The following CFAP299 variants were observed in gnomAD, a reference collection of about 807,000 sequenced individuals.
CFAP299 encodes cilia and flagella associated protein 299, also known as cilia- and flagella-associated protein 299.
CFAP299 carries 21 observed loss-of-function variants against 27.0 expected under a neutral mutation model. That is an observed-to-expected ratio of 0.78 (90% CI 0.55 to 1.12). The LOEUF (loss-of-function observed/expected upper bound fraction) is 1.12. Among genes scored for constraint, CFAP299 ranks in the 50% most tolerant of loss-of-function variants. The pLI is 0.00. For missense variants in CFAP299, 310 were observed against 276.6 expected (o/e 1.12, Z -0.86); for synonymous variants, 104 against 98.1 (o/e 1.06, Z -0.36).
intron 2 of CFAP299, chr4:80,387,660 T>A: frequency 6.4e-7 from 1 of 1,553,680 alleles, no homozygotes. Flanking sequence ...TCTGCATGTG[T>A]TTCTTAACAT....
intron 3 of CFAP299, among the ~76,000 whole-genome samples, chr4:80,860,263 A>C (rs1489989618): frequency 1.3e-5 from 2 of 152,044 alleles, no homozygotes; most frequent in Non-Finnish European, 2.9e-5. Context: ...CAGCTCCACC[A>C]GCTCCTTTAA....
intron 2 of CFAP299, among the ~76,000 whole-genome samples, chr4:80,483,967 A>C (rs1272363403): frequency 6.6e-6 from 1 of 152,192 alleles, no homozygotes; most frequent in Admixed American, 6.5e-5. Context: ...TTATAGGTAC[A>C]AGGCATACTT....
At chr4:80,656,725 C>A (rs1237064692) in intron 3 of CFAP299, among the ~76,000 whole-genome samples, 1 of 152,128 alleles carries the variant, frequency 6.6e-6, no homozygotes, top group Non-Finnish European at 1.5e-5. Flanking sequence ...ATTTATAATC[C>A]TTTGGGTGTA....
chr4:80,606,254 A>G (rs995940082), intron 3 of CFAP299, among the ~76,000 whole-genome samples: 1 of 152,226 alleles, frequency 6.6e-6, no homozygotes, highest in African/African-American at 2.4e-5. Context: ...AGCCATAGCT[A>G]GGCTGGGCGT....
At chr4:80,763,589 G>T (rs1725664801) in intron 3 of CFAP299, among the ~76,000 whole-genome samples, 1 of 151,988 alleles carries the variant, frequency 6.6e-6, no homozygotes, top group African/African-American at 2.4e-5. Flanking sequence ...TTTCTTCACA[G>T]GACTAGAAAA....
chr4:80,784,496 C>A lies in CFAP299; in HGVS notation c.334-85497C>A, dbSNP rs192615604. 4.6e-5 allele frequency among the ~76,000 whole-genome samples: 7 copies of A among 151,488 alleles called. No homozygotes were observed. The East Asian group carries it at 1.2e-3, about 25-fold the overall frequency. ...TCTTGGCCTCTTTCTTTCTTTCTTTCTTTTCTTTCTTTTTTTTCTTTTCTT... is the reference window on the plus strand; with the variant it reads ...TCTTGGCCTCTTTCTTTCTTTCTTTATTTTCTTTCTTTTTTTTCTTTTCTT... On this transcript the variant is annotated intron_variant, in intron 3 of 5. Transcript: ENST00000358105.
At chr4:80,952,916 A>C (rs1005458616) in intron 5 of CFAP299, among the ~76,000 whole-genome samples, 3 of 152,128 alleles carry the variant, frequency 2.0e-5, no homozygotes, top group Non-Finnish European at 4.4e-5. Context: ...CTAACCTGTC[A>C]TAGCCTTGAA....
chr4:80,559,497 C>A (rs957092355), intron 2 of CFAP299, among the ~76,000 whole-genome samples: 1 of 152,114 alleles, frequency 6.6e-6, no homozygotes, highest in South Asian at 2.1e-4. Context: ...AGAAAAAAAG[C>A]GCCTGTGTAA....
chr4:80,679,335 C>G (rs1237826295), intron 3 of CFAP299, among the ~76,000 whole-genome samples: 1 of 151,734 alleles, frequency 6.6e-6, no homozygotes, highest in East Asian at 1.9e-4. Flanking sequence ...TATGTTGTTA[C>G]CAGGTTTTGT....
chr4:80,800,325 A>T (rs1324309830), intron 3 of CFAP299, among the ~76,000 whole-genome samples: 2 of 74,558 alleles, frequency 2.7e-5, no homozygotes, highest in Admixed American at 2.6e-4. Context: ...ATGATACATT[A>T]ATATTAATAT....
At chr4:80,413,643 C>G (rs900530788) in intron 2 of CFAP299, among the ~76,000 whole-genome samples, 1 of 151,924 alleles carries the variant, frequency 6.6e-6, no homozygotes. Context: ...CTGTGTCTCA[C>G]GAGGCACAAG....
At chr4:80,955,225 C>T (rs550920940) in intron 5 of CFAP299, among the ~76,000 whole-genome samples, 42 of 152,164 alleles carry the variant, frequency 2.8e-4, no homozygotes, top group African/African-American at 9.9e-4. Context: ...CATCAGGGCT[C>T]AGGCAGGGCA....
chr4:80,845,308 G>A (rs1731121568), intron 3 of CFAP299, among the ~76,000 whole-genome samples: 1 of 150,374 alleles, frequency 6.7e-6, no homozygotes, highest in Non-Finnish European at 1.5e-5. Flanking sequence ...GACCGTTCAA[G>A]TTTTTCAGTG....
At chr4:80,786,892 T>C (rs961500054) in intron 3 of CFAP299, among the ~76,000 whole-genome samples, 8 of 152,194 alleles carry the variant, frequency 5.3e-5, no homozygotes, top group Admixed American at 2.0e-4. Context: ...CAGTAATTAA[T>C]GCAAAATAAT....
chr4:80,539,332 G>A (rs1027109118), intron 2 of CFAP299, among the ~76,000 whole-genome samples: 1 of 152,198 alleles, frequency 6.6e-6, no homozygotes, highest in Non-Finnish European at 1.5e-5. Context: ...AAGGGGACAT[G>A]TCATGCCACA....
chr4:80,336,709 G>T (rs752121522), intron 1 of CFAP299: 2 of 152,210 alleles, frequency 1.3e-5, no homozygotes, highest in African/African-American at 2.4e-5. Flanking sequence ...TATATTCCTA[G>T]CCAAACTTCC....
rs567977976 is a variant in CFAP299 at position 80,403,709 on chromosome 4, C to T, written c.242+40825C>T. Among the ~76,000 whole-genome samples, 18 of 152,212 alleles carry T rather than the reference C, an allele frequency of 1.2e-4. No individual in the cohort carries two copies. In the East Asian group the frequency reaches 3.5e-3, roughly 29 times the overall value. On this transcript the variant is annotated intron_variant, in intron 2 of 5. Coordinates refer to ENST00000358105, the MANE Select transcript of CFAP299 (RefSeq NM_152770.3). ...TTTATTTTTCTCTGAGGTCTCATTA[C>T]TTTATATATTTTTGTTTGCGTTGAT...
intron 3 of CFAP299, among the ~76,000 whole-genome samples, chr4:80,786,664 C>T (rs1467360457): frequency 2.6e-5 from 4 of 152,062 alleles, no homozygotes; most frequent in African/African-American, 9.7e-5. Flanking sequence ...TACATTTTGA[C>T]AGCTGTTTTT....
intron 3 of CFAP299, among the ~76,000 whole-genome samples, chr4:80,785,820 A>G (rs1215329784): frequency 1.3e-5 from 2 of 152,122 alleles, no homozygotes; most frequent in Non-Finnish European, 2.9e-5. Flanking sequence ...ACAGAGTGTG[A>G]CTTTTTTAAT....
Sources: gnomAD v4.1 joint callset for allele counts (sites outside exome capture counted in the v4.1 genomes callset) on GRCh38, gnomAD v4.1.1 for gene constraint, MANE v1.5 for transcripts, NCBI Gene and HGNC (gene_info 2026-07-23, HGNC 2026-07-21) for gene names.